NTM: variants seen among roughly 807,000 people sequenced by gnomAD.
NTM encodes neurotrimin.
A neutral mutation model predicts 42.1 loss-of-function variants in NTM; 13 were observed. The ratio of observed to expected loss-of-function variants is 0.31; its 90% CI spans 0.20 to 0.49. NTM has a LOEUF of 0.49. NTM is among the 20% of genes least tolerant of loss of function. The pLI is 0.99. For synonymous variants in NTM, 187 were observed against 179.2 expected (o/e 1.04, Z -0.35); for missense variants, 373 against 452.8 (o/e 0.82, Z 1.60).
intron 2 of NTM, among the ~76,000 whole-genome samples, chr11:132,085,132 C>T (rs1170901359): frequency 6.6e-6 from 1 of 152,164 alleles, no homozygotes; most frequent in African/African-American, 2.4e-5. Context: ...TTTATCTTAT[C>T]TAATTTAAAG....
chr11:131,455,975 T>G (rs1950852581), intron 1 of NTM, among the ~76,000 whole-genome samples: 1 of 152,238 alleles, frequency 6.6e-6, no homozygotes, highest in African/African-American at 2.4e-5. Flanking sequence ...AGGAGAAATG[T>G]TATTCATTGT....
chr11:131,466,004 G>A (rs1951846294), intron 1 of NTM, among the ~76,000 whole-genome samples: 1 of 152,220 alleles, frequency 6.6e-6, no homozygotes. Context: ...CTCTGCAGGA[G>A]TGTCAGGCAA....
At chr11:132,320,597 G>A (rs2095540476) in intron 7 of NTM, among the ~76,000 whole-genome samples, 1 of 152,204 alleles carries the variant, frequency 6.6e-6, no homozygotes, top group African/African-American at 2.4e-5. Flanking sequence ...TGAGGCTGGG[G>A]GAGGGGTGCC....
At chr11:131,760,345 A>G (rs2083958657) in intron 1 of NTM, among the ~76,000 whole-genome samples, 2 of 152,282 alleles carry the variant, frequency 1.3e-5, no homozygotes, top group East Asian at 1.9e-4. Context: ...ACTGAGTATT[A>G]AAAATGATGT....
chr11:131,458,223 A>G (rs1326466375), intron 1 of NTM, among the ~76,000 whole-genome samples: 1 of 152,196 alleles, frequency 6.6e-6, no homozygotes, highest in East Asian at 1.9e-4. Context: ...TATGCAGGAG[A>G]GCAATCAACA....
At position 131,493,862 on chromosome 11, in the gene NTM, G is replaced by A. The variant is rs150162915; in HGVS notation, c.82+122974G>A. Among the ~76,000 whole-genome samples the A allele has an allele frequency of 5.3e-3, 809 of 152,274 alleles. 6 individuals are homozygous for A. Among genetic ancestry groups the A allele is most frequent in the African/African-American group, 0.017 (692 of 41,558 alleles). ...CTGAGAACTCACTATCATGTTCACA[G>A]CATCCACAACTGAGCTGCACCTCCA... On this transcript the variant is annotated intron_variant, in intron 1 of 8. Coordinates refer to ENST00000683400, the MANE Select transcript of NTM (RefSeq NM_001352005.2).
rs1189515355 is a variant in NTM, at chr11:131,598,793, C to T, written c.82+227905C>T. ...TTCTTTCTTTCTTTCTTCTTTCTTT[C>T]TTTCTTTTTCTTTCTTTCTTCTTTC... On this transcript the variant is annotated intron_variant, in intron 1 of 8. Coordinates refer to ENST00000683400, the MANE Select transcript of NTM (RefSeq NM_001352005.2). 9.6e-5 allele frequency among the ~76,000 whole-genome samples: 8 copies of T among 83,518 alleles called. 1 individual carries two copies. The highest frequency in any genetic ancestry group is 2.6e-4 in the African/African-American group (7 of 27,202). The allele number at this position is 83,518 out of a possible 152,430, so 54.8% of individuals were successfully genotyped here. A position where few individuals can be genotyped will look rare whatever the true frequency, so the allele number is the denominator to read the frequency against.
intron 1 of NTM, among the ~76,000 whole-genome samples, chr11:131,722,421 G>A (rs527842611): frequency 7.5e-4 from 114 of 152,306 alleles, no homozygotes; most frequent in African/African-American, 2.2e-3. Flanking sequence ...ATATGAACTC[G>A]TAACCATAGA....
intron 1 of NTM, among the ~76,000 whole-genome samples, chr11:131,487,040 C>T (rs550207673): frequency 6.6e-6 from 1 of 152,170 alleles, no homozygotes; most frequent in African/African-American, 2.4e-5. Context: ...ACTTGCTCAC[C>T]AATTTGAAAC....
At chr11:132,329,026 T>G (rs917715344) in intron 7 of NTM, among the ~76,000 whole-genome samples, 1 of 152,240 alleles carries the variant, frequency 6.6e-6, no homozygotes, top group Non-Finnish European at 1.5e-5. Flanking sequence ...GGGCCGCTAA[T>G]GCCCACTTAA....
At chr11:131,862,283 C>A (rs542448566) in intron 1 of NTM, among the ~76,000 whole-genome samples, 3 of 152,230 alleles carry the variant, frequency 2.0e-5, no homozygotes, top group African/African-American at 4.8e-5. Context: ...CAAGTTTGAG[C>A]CCGACTTAAA....
chr11:132,117,743 G>A (rs1336526516), intron 2 of NTM, among the ~76,000 whole-genome samples: 1 of 152,148 alleles, frequency 6.6e-6, no homozygotes, highest in Non-Finnish European at 1.5e-5. Context: ...AGTTCCATGA[G>A]AACAGGGGCT....
chr11:131,552,973 C>A (rs1448091180), intron 1 of NTM, among the ~76,000 whole-genome samples: 1 of 152,182 alleles, frequency 6.6e-6, no homozygotes. Context: ...CTCACACAAT[C>A]CAAACCAAGC....
intron 4 of NTM, among the ~76,000 whole-genome samples, chr11:132,292,085 G>A (rs1203242838): frequency 1.3e-5 from 2 of 152,186 alleles, no homozygotes; most frequent in Non-Finnish European, 2.9e-5. Flanking sequence ...AGCAAAAGCA[G>A]GTGAAGATTG....
intron 2 of NTM, among the ~76,000 whole-genome samples, chr11:132,122,923 C>G (rs2065077217): frequency 6.6e-6 from 1 of 152,132 alleles, no homozygotes; most frequent in South Asian, 2.1e-4. Context: ...ACTCATTCAT[C>G]TAATTGGAAA....
intron 3 of NTM, among the ~76,000 whole-genome samples, chr11:132,205,826 G>A (rs2081906588): frequency 6.6e-6 from 1 of 152,084 alleles, no homozygotes. Context: ...GATTCCAACT[G>A]CTAACATAAT....
At chr11:131,572,893 C>A (rs150037719) in intron 1 of NTM, among the ~76,000 whole-genome samples, 10 of 152,308 alleles carry the variant, frequency 6.6e-5, no homozygotes, top group Non-Finnish European at 1.3e-4. Context: ...TCCTGGCACA[C>A]ATTCAGCAAC....
intron 1 of NTM, among the ~76,000 whole-genome samples, chr11:131,459,704 A>C (rs1951205824): frequency 1.3e-5 from 2 of 152,168 alleles, no homozygotes; most frequent in Non-Finnish European, 2.9e-5. Context: ...ATTTGTACCT[A>C]GTTGAATGAC....
In NTM at chr11:132,317,450, A is replaced by G. The variant is rs576226421; in HGVS notation, c.934+2747A>G. 2.6e-5 allele frequency among the ~76,000 whole-genome samples: 4 copies of G among 152,242 alleles called. No individual in the cohort carries two copies. In the East Asian group the frequency reaches 5.8e-4, roughly 22 times the overall value. ...CCTGCCTTCCCAGTCACGGCATTCA[A>G]TATGGAAACATAAAGCATGTCAGCG... On this transcript the variant is annotated intron_variant, in intron 7 of 8. Transcript: ENST00000683400.
Sources: gnomAD v4.1 joint callset for allele counts (sites outside exome capture counted in the v4.1 genomes callset) on GRCh38, gnomAD v4.1.1 for gene constraint, MANE v1.5 for transcripts, NCBI Gene and HGNC (gene_info 2026-07-23, HGNC 2026-07-21) for gene names.